The following ZC3H12B variants were observed in gnomAD, a reference collection of about 807,000 sequenced individuals.
The protein encoded by ZC3H12B is zinc finger CCCH-type containing 12B.
Under a neutral mutation model 43.9 loss-of-function variants are expected in ZC3H12B, and 7 were observed. The ratio of observed to expected loss-of-function variants is 0.16; its 90% CI spans 0.09 to 0.30. The LOEUF is 0.30. ZC3H12B is among the 10% of genes least tolerant of loss of function. The probability of loss-of-function intolerance (pLI) is 1.00; values close to 1 mark genes in which losing one functional copy is unlikely to be tolerated. For synonymous variants in ZC3H12B, 222 were observed against 241.7 expected, an observed-to-expected ratio of 0.92 and a Z score of 0.76; for missense variants, 475 against 670.2, an observed-to-expected ratio of 0.71 and a Z score of 3.22.
At chrX:65,110,050 T>A in the ZC3H12B span, among the ~76,000 whole-genome samples, 1 of 111,463 alleles carries the variant, frequency 9.0e-6, no homozygotes. Context: ...ATTTCCTTAG[T>A]GGCTAGTGAT....
intron 3 of ZC3H12B, among the ~76,000 whole-genome samples, chrX:65,426,667 T>C (rs1387286906): frequency 8.9e-6 from 1 of 111,935 alleles, no homozygotes; most frequent in Non-Finnish European, 1.9e-5. Flanking sequence ...TGGTATGTTG[T>C]ATCTTTGTTC....
chrX:65,211,659 A>G, the ZC3H12B span, among the ~76,000 whole-genome samples: 1 of 93,262 alleles, frequency 1.1e-5, no homozygotes. Context: ...AATTATATAT[A>G]CATAATATAT....
At chrX:65,448,937 A>AAAAGAAAG (rs1270686619) in intron 3 of ZC3H12B, among the ~76,000 whole-genome samples, 1 of 26,805 alleles carries the variant, frequency 3.7e-5, no homozygotes, top group African/African-American at 9.1e-5. Flanking sequence ...AAAGAGAAGG[A>AAAAGAAAG]AAAGAAAGAA....
the ZC3H12B span, among the ~76,000 whole-genome samples, chrX:65,298,919 T>C: frequency 9.0e-6 from 1 of 111,414 alleles, no homozygotes; most frequent in Admixed American, 9.5e-5. Context: ...AATAGCCCCT[T>C]ATAAAGCCGT....
At chrX:65,202,163 A>G in the ZC3H12B span, among the ~76,000 whole-genome samples, 31 of 74,503 alleles carry the variant, frequency 4.2e-4, no homozygotes, top group African/African-American at 4.1e-3. Flanking sequence ...TATATTATAT[A>G]TAATATATAT....
intron 2 of ZC3H12B, among the ~76,000 whole-genome samples, chrX:65,382,446 C>T (rs1389381886): frequency 1.3e-4 from 15 of 111,317 alleles, no homozygotes; most frequent in East Asian, 1.1e-3. Flanking sequence ...ATTGATGGGA[C>T]GTATCTCAAA....
At chrX:65,107,070 G>C in the ZC3H12B span, among the ~76,000 whole-genome samples, 4 of 111,247 alleles carry the variant, frequency 3.6e-5, no homozygotes, top group East Asian at 8.6e-4. Context: ...TAGTAACTTA[G>C]TTGATAGTTT....
At chrX:65,235,259 G>C in the ZC3H12B span, among the ~76,000 whole-genome samples, 11 of 111,493 alleles carry the variant, frequency 9.9e-5, no homozygotes, top group South Asian at 3.0e-3. Context: ...AGATCTTTAA[G>C]GAATTACCAT....
chrX:65,232,105 G>A, the ZC3H12B span, among the ~76,000 whole-genome samples: 1 of 110,282 alleles, frequency 9.1e-6, no homozygotes, highest in African/African-American at 3.3e-5. Flanking sequence ...GCCAAGCATG[G>A]TGGCAGGTGC....
At chrX:65,142,680 G>A in the ZC3H12B span, among the ~76,000 whole-genome samples, 1 of 112,352 alleles carries the variant, frequency 8.9e-6, no homozygotes, top group Non-Finnish European at 1.9e-5. Flanking sequence ...TTATGTATAA[G>A]GTGAGAGATG....
the ZC3H12B span, among the ~76,000 whole-genome samples, chrX:65,130,836 G>A: frequency 6.9e-4 from 77 of 111,614 alleles, no homozygotes; most frequent in African/African-American, 2.0e-3. Flanking sequence ...CTGCCATGAG[G>A]GATAGAAGTT....
chrX:65,290,430 G>A, the ZC3H12B span, among the ~76,000 whole-genome samples: 1 of 110,671 alleles, frequency 9.0e-6, no homozygotes, highest in African/African-American at 3.3e-5. Flanking sequence ...ACAATGTTGA[G>A]ACTTCCGAAA....
At chrX:65,099,232 C>A in the ZC3H12B span, among the ~76,000 whole-genome samples, 1 of 111,771 alleles carries the variant, frequency 8.9e-6, no homozygotes, top group African/African-American at 3.3e-5. Context: ...ATAAATAACA[C>A]TCTCATCTCA....
chrX:65,505,257 GAGA>G (rs757928340), exon 5 of ZC3H12B: 1 of 112,286 alleles, frequency 8.9e-6, no homozygotes, highest in African/African-American at 3.2e-5. Flanking sequence ...GTTTCTTCAT[GAGA>G]AGGTGTGACA....
chrX:65,051,621 T>C, the ZC3H12B span, among the ~76,000 whole-genome samples: 2 of 111,837 alleles, frequency 1.8e-5, no homozygotes, highest in Admixed American at 1.9e-4. Context: ...TAAGGAAGAA[T>C]ACTTTACCTA....
At chrX:65,250,120 T>A in the ZC3H12B span, among the ~76,000 whole-genome samples, 4 of 110,124 alleles carry the variant, frequency 3.6e-5, no homozygotes, top group Non-Finnish European at 7.6e-5. Context: ...CAGTGTGTGA[T>A]GTTCCCCTTC....
At chrX:65,177,862 T>C in the ZC3H12B span, among the ~76,000 whole-genome samples, 43 of 112,315 alleles carry the variant, frequency 3.8e-4, no homozygotes, top group African/African-American at 1.2e-3. Context: ...AAGTAATTTA[T>C]AGATTCATTG....
chrX:65,448,349 T>G (rs1016206815), intron 3 of ZC3H12B, among the ~76,000 whole-genome samples: 1 of 112,060 alleles, frequency 8.9e-6, no homozygotes, highest in African/African-American at 3.2e-5. Flanking sequence ...TCTTAAATAA[T>G]TAAAGGTAGA....
At chrX:65,107,618 C>T in the ZC3H12B span, among the ~76,000 whole-genome samples, 1 of 111,104 alleles carries the variant, frequency 9.0e-6, no homozygotes, top group Admixed American at 9.6e-5. Flanking sequence ...GGGATGGACC[C>T]GGTGGAAGGT....
Sources: allele counts gnomAD v4.1 joint callset (sites outside exome capture counted in the v4.1 genomes callset), GRCh38; gene constraint gnomAD v4.1.1; transcripts MANE v1.5; gene names NCBI Gene and HGNC (gene_info 2026-07-23, HGNC 2026-07-21).